The following MBOAT1 variants were observed in gnomAD, a reference collection of about 807,000 sequenced individuals.
MBOAT1 encodes membrane-bound glycerophospholipid O-acyltransferase 1.
In MBOAT1, 67 loss-of-function variants were observed where a neutral mutation model predicts 64.4. The ratio of observed to expected loss-of-function variants is 1.04; its 90% CI spans 0.85 to 1.27. The LOEUF is 1.27. MBOAT1 is among the 50% of genes most tolerant of loss of function. MBOAT1 has a pLI of 0.00. For missense variants in MBOAT1, 563 were observed against 604.6 expected (o/e 0.93, Z 0.72); for synonymous variants, 229 against 218.9 (o/e 1.05, Z -0.41).
At chr6:20,111,859 CATATATATACATATATATATGT>C (rs1760170711) in intron 11 of MBOAT1, among the ~76,000 whole-genome samples, 3 of 108,614 alleles carry the variant, frequency 2.8e-5, no homozygotes, top group African/African-American at 4.2e-5. Flanking sequence ...TATATATATA[CATATATATACATATATATATGT>C]ATATATATAT....
In MBOAT1 at chr6:20,120,251, T is replaced by C. The variant is rs531648058; in HGVS notation, c.908-1711A>G. 5.7e-4 allele frequency among the ~76,000 whole-genome samples: 87 copies of C among 152,244 alleles called. 1 individual carries two copies. Among genetic ancestry groups the C allele is most frequent in the African/African-American group, 2.0e-3 (84 of 41,546 alleles). On this transcript the variant is annotated intron_variant, in intron 8 of 12. Transcript: ENST00000324607. ...GAGCATAAAATGGATATAATAATGG[T>C]ATTCATTTTAAAGGGCTGTTGAAAG...
At chr6:20,108,557 G>A (rs1280425193) in intron 12 of MBOAT1, among the ~76,000 whole-genome samples, 2 of 152,186 alleles carry the variant, frequency 1.3e-5, no homozygotes, top group African/African-American at 2.4e-5. Context: ...CACATATTGA[G>A]TAGTAAAAAA....
chr6:20,143,068 C>T (rs1478521301), intron 4 of MBOAT1, among the ~76,000 whole-genome samples: 2 of 152,172 alleles, frequency 1.3e-5, no homozygotes, highest in African/African-American at 4.8e-5. Context: ...TGCCTAGTTG[C>T]CAACAACTCA....
chr6:20,118,216 T>A (rs532872336), intron 9 of MBOAT1, among the ~76,000 whole-genome samples: 3 of 151,648 alleles, frequency 2.0e-5, no homozygotes, highest in Non-Finnish European at 4.4e-5. Flanking sequence ...CATTCTTCCT[T>A]GAACCATTAG....
At chr6:20,126,071 G>C (rs1760640048) in intron 7 of MBOAT1, among the ~76,000 whole-genome samples, 1 of 152,134 alleles carries the variant, frequency 6.6e-6, no homozygotes, top group Non-Finnish European at 1.5e-5. Context: ...GCAAGCTTTA[G>C]GCATGCCAAG....
intron 4 of MBOAT1, among the ~76,000 whole-genome samples, chr6:20,143,125 C>T (rs1761225905): frequency 6.6e-6 from 1 of 152,196 alleles, no homozygotes; most frequent in Non-Finnish European, 1.5e-5. Context: ...GGGTCCCTGA[C>T]CTCAGGCTGC....
intron 1 of MBOAT1, among the ~76,000 whole-genome samples, chr6:20,210,599 C>T (rs1460590538): frequency 1.3e-5 from 2 of 151,372 alleles, no homozygotes; most frequent in Admixed American, 6.6e-5. Context: ...CCCTCCCTCC[C>T]TCCCTCCCAG....
chr6:20,210,486 G>T (rs1005571600), intron 1 of MBOAT1, among the ~76,000 whole-genome samples: 1 of 152,118 alleles, frequency 6.6e-6, no homozygotes, highest in Admixed American at 6.5e-5. Context: ...ACTCACTCCT[G>T]CTGGAGGGTG....
intron 1 of MBOAT1, among the ~76,000 whole-genome samples, chr6:20,208,864 T>G (rs1165965294): frequency 6.6e-6 from 1 of 152,214 alleles, no homozygotes; most frequent in Non-Finnish European, 1.5e-5. Flanking sequence ...ACACTTTCCA[T>G]TTCAGCTTTC....
rs190323193 is a variant in MBOAT1 at position 20,199,625 on chromosome 6, G to A, written c.99+12511C>T. ...CTTCCTTCCACAATTTATATAAACT[G>A]GCTTTCTGAATTTAATTCTGTATAA... On this transcript the variant is annotated intron_variant, in intron 1 of 12. Coordinates refer to ENST00000324607, the MANE Select transcript of MBOAT1 (RefSeq NM_001080480.3). 1.2e-3 allele frequency among the ~76,000 whole-genome samples: 178 copies of A among 152,268 alleles called. 1 individual carries two copies. The highest frequency in any genetic ancestry group is 4.2e-3 in the African/African-American group (173 of 41,542).
intron 2 of MBOAT1, among the ~76,000 whole-genome samples, chr6:20,152,129 T>G (rs1761511006): frequency 6.6e-6 from 1 of 151,880 alleles, no homozygotes; most frequent in African/African-American, 2.4e-5. Flanking sequence ...GCAACCAGCC[T>G]GGGCAACACG....
At chr6:20,192,705 C>G (rs1017399708) in intron 1 of MBOAT1, among the ~76,000 whole-genome samples, 1 of 152,194 alleles carries the variant, frequency 6.6e-6, no homozygotes, top group African/African-American at 2.4e-5. Flanking sequence ...CCACGCTTCC[C>G]CAACCTCATC....
chr6:20,185,895 C>T (rs1388434992), intron 1 of MBOAT1, among the ~76,000 whole-genome samples: 1 of 152,100 alleles, frequency 6.6e-6, no homozygotes, highest in East Asian at 1.9e-4. Context: ...TGCTGTCTCC[C>T]ATCAATAAAT....
rs760459502 is a variant in MBOAT1, at chr6:20,152,654, C to T, written c.215G>A (p.Gly72Asp). The change falls in exon 2 of 13, where the codon GGC becomes GAC. Residue 72 changes from glycine (G) to aspartate (D), a missense_variant. Physicochemically the swap from Gly to Asp is moderately conservative, Grantham distance 94. Coordinates refer to ENST00000324607, the MANE Select transcript of MBOAT1 (RefSeq NM_001080480.3). Reference protein sequence around the residue: ...DVRHAVATIFGIYFVIFCFGW... With the variant: ...DVRHAVATIFDIYFVIFCFGW... ...GAAACAAAAGATGACAAAATAGATG[C>T]CAAAAATGGTGGCAACCGCATGCCG... 2 of 1,610,884 alleles carry T rather than the reference C, an allele frequency of 1.2e-6. No individual in the cohort carries two copies. Among genetic ancestry groups the T allele is most frequent in the South Asian group, 1.1e-5 (1 of 90,720 alleles).
intron 4 of MBOAT1, among the ~76,000 whole-genome samples, chr6:20,142,314 C>G (rs1237256772): frequency 1.3e-5 from 2 of 152,138 alleles, no homozygotes; most frequent in African/African-American, 4.8e-5. Context: ...GAAACCAAAA[C>G]AGTGGTTTGT....
chr6:20,160,552 A>C (rs1417866483), intron 1 of MBOAT1, among the ~76,000 whole-genome samples: 1 of 152,242 alleles, frequency 6.6e-6, no homozygotes, highest in African/African-American at 2.4e-5. Flanking sequence ...CTCATATTCA[A>C]AATATGCAAA....
chr6:20,125,802 A>G, intron 7 of MBOAT1: 1 of 380,000 alleles, frequency 2.6e-6, no homozygotes, highest in Middle Eastern at 3.7e-4. Flanking sequence ...CTTAACTCAT[A>G]GTCTTTGCCA....
In MBOAT1 at chr6:20,180,631, A is replaced by G. The variant is rs141459404; in HGVS notation, c.100-27862T>C. On this transcript the variant is annotated intron_variant, in intron 1 of 12. Coordinates refer to ENST00000324607, the MANE Select transcript of MBOAT1 (RefSeq NM_001080480.3). ...CTCAAGACTTGTCTACACTTGATGAACCTGACAACAAAATCCCACTTTGAG... is the reference window on the plus strand; with the variant it reads ...CTCAAGACTTGTCTACACTTGATGAGCCTGACAACAAAATCCCACTTTGAG... 3.1e-3 allele frequency among the ~76,000 whole-genome samples: 468 copies of G among 152,314 alleles called. 3 individuals carry two copies. The highest frequency in any genetic ancestry group is 0.01 in the African/African-American group (434 of 41,568).
intron 1 of MBOAT1, 129 bp from the exon 2 acceptor site, chr6:20,152,898 A>T (rs975189698): frequency 1.1e-4 from 105 of 916,104 alleles, no homozygotes; most frequent in Non-Finnish European, 1.5e-4. Flanking sequence ...AGTGGCGCAA[A>T]CTCGGCTCAC....
Sources: gnomAD v4.1 joint callset for allele counts (sites outside exome capture counted in the v4.1 genomes callset) on GRCh38, gnomAD v4.1.1 for gene constraint, MANE v1.5 for transcripts, NCBI Gene and HGNC (gene_info 2026-07-23, HGNC 2026-07-21) for gene names.